Variants in MLXIP observed in about 807,000 individuals in gnomAD.
The protein encoded by MLXIP is MLX interacting protein, also known as MLX-interacting protein.
A neutral mutation model predicts 87.2 loss-of-function variants in MLXIP; 30 were observed. That is an observed-to-expected ratio of 0.34 (90% CI 0.26 to 0.47). MLXIP has a LOEUF of 0.47. Ranked by LOEUF, MLXIP falls within the 20% of genes least tolerant of loss-of-function variation. The probability of loss-of-function intolerance (pLI) is 1.00; values close to 1 mark genes in which losing one functional copy is unlikely to be tolerated. For missense variants in MLXIP, 1,002 were observed against 1,240.1 expected (o/e 0.81, Z 2.88); for synonymous variants, 530 against 514.0 (o/e 1.03, Z -0.42).
At chr12:122,140,653 G>A (rs1254601855) in intron 15 of MLXIP, among the ~76,000 whole-genome samples, 2 of 152,142 alleles carry the variant, frequency 1.3e-5, no homozygotes, top group South Asian at 2.1e-4. Flanking sequence ...ATGTAAGAAC[G>A]ATTTTGATCG....
chr12:122,115,319 G>A (rs2082872536), intron 1 of MLXIP, among the ~76,000 whole-genome samples: 1 of 151,992 alleles, frequency 6.6e-6, no homozygotes. Context: ...TGGGCGCGGT[G>A]TCTCACGCCT....
chr12:122,128,127 G>A, intron 3 of MLXIP, 159 bp downstream of exon 3: 1 of 638,358 alleles, frequency 1.6e-6, no homozygotes. Context: ...GGGAGCTGGT[G>A]GCCTCTGGCA....
rs371973100 is a variant in MLXIP at position 122,140,289 on chromosome 12, C to CTTTA, written c.2509-645_2509-642dup. Among the ~76,000 whole-genome samples, 32 of 152,104 alleles carry CTTTA rather than the reference C, an allele frequency of 2.1e-4. No individual in the cohort carries two copies. In the South Asian group the frequency reaches 2.3e-3, roughly 11 times the overall value. ...CCACTTTCAGGCAGATGGCTCCTGC[C>CTTTA]TTTATTTATTTATTTATTTATTTTG... On this transcript the variant is annotated intron_variant, in intron 15 of 16. Coordinates refer to ENST00000319080, the MANE Select transcript of MLXIP (RefSeq NM_014938.6).
chr12:122,123,282 C>T (rs149711319), intron 1 of MLXIP, among the ~76,000 whole-genome samples: 1 of 152,236 alleles, frequency 6.6e-6, no homozygotes, highest in East Asian at 1.9e-4. Flanking sequence ...GCCTTGGGGG[C>T]GGGCTGGGGG....
At position 122,110,026 on chromosome 12, in the gene MLXIP, T is replaced by C. The variant is rs78588422; in HGVS notation, c.414-17230T>C. Among the ~76,000 whole-genome samples, 686 of 152,262 alleles carry C rather than the reference T, an allele frequency of 4.5e-3. 6 individuals carry two copies. The highest frequency in any genetic ancestry group is 0.016 in the African/African-American group (655 of 41,558). Reference sequence around the variant, plus strand: ...ATCCCTGCTCTGGGTGCCTCTCATTTTTATTCTTTAGGGCCAGGAACTCTC... The same window carrying C: ...ATCCCTGCTCTGGGTGCCTCTCATTCTTATTCTTTAGGGCCAGGAACTCTC... On this transcript the variant is annotated intron_variant, in intron 1 of 16. Coordinates refer to ENST00000319080, the MANE Select transcript of MLXIP (RefSeq NM_014938.6).
At chr12:122,117,755 A>G (rs958238017) in intron 1 of MLXIP, among the ~76,000 whole-genome samples, 10 of 152,210 alleles carry the variant, frequency 6.6e-5, no homozygotes, top group Non-Finnish European at 1.0e-4. Flanking sequence ...AAGCTCAGAT[A>G]GTGCCGAACC....
chr12:122,139,076 C>CT, intron 15 of MLXIP, 138 bp downstream of exon 15: 2 of 1,350,998 alleles, frequency 1.5e-6, no homozygotes, highest in Admixed American at 2.5e-5. Context: ...GTGCTAGTGT[C>CT]TATCTCGGGA....
chr12:122,124,087 G>T (rs967890395), intron 1 of MLXIP, among the ~76,000 whole-genome samples: 1 of 152,242 alleles, frequency 6.6e-6, no homozygotes, highest in Non-Finnish European at 1.5e-5. Context: ...AGGACGCTGA[G>T]CACAGAGGCA....
chr12:122,130,197 GCCA>G, intron 6 of MLXIP, 85 bp downstream of exon 6: 1 of 1,388,798 alleles, frequency 7.2e-7, no homozygotes, highest in South Asian at 1.3e-5. Context: ...TTCCTTCAGG[GCCA>G]TCTCTGAGCT....
intron 1 of MLXIP, among the ~76,000 whole-genome samples, chr12:122,085,798 T>C (rs1366286251): frequency 6.6e-6 from 1 of 152,172 alleles, no homozygotes; most frequent in Non-Finnish European, 1.5e-5. Flanking sequence ...TATCGTGGCT[T>C]GCTTGGACAG....
intron 1 of MLXIP, among the ~76,000 whole-genome samples, chr12:122,109,323 C>G (rs1952567870): frequency 6.6e-6 from 1 of 152,218 alleles, no homozygotes; most frequent in African/African-American, 2.4e-5. Flanking sequence ...CCCGCCTTGG[C>G]CTCCCAAAGT....
intron 12 of MLXIP, 112 bp from the exon 13 acceptor site, chr12:122,138,082 G>A (rs569849658): frequency 2.0e-4 from 172 of 856,688 alleles, no homozygotes; most frequent in Admixed American, 4.3e-4. Flanking sequence ...CTCCTCCCAC[G>A]TAGCTCTCTA....
intron 1 of MLXIP, among the ~76,000 whole-genome samples, chr12:122,125,122 C>T (rs1424919027): frequency 2.0e-5 from 3 of 152,190 alleles, no homozygotes; most frequent in Non-Finnish European, 2.9e-5. Context: ...GCTGAGGTCG[C>T]GCCATTGCAC....
Position 122,129,924 on chromosome 12 carries a change from T to C in MLXIP, c.739-17T>C. 6.2e-7 allele frequency: 1 copy of C among 1,601,188 alleles called. No individual in the cohort carries two copies. The highest frequency in any genetic ancestry group is 8.5e-7 in the Non-Finnish European group (1 of 1,171,002). ...TTACTCTTTGATGCTTCCTCCCCTG[T>C]GTTGGTGTTGTGTTAGGACGATGAC... On this transcript the variant is annotated splice_polypyrimidine_tract_variant and intron_variant, in intron 5 of 16. Coordinates refer to ENST00000319080, the MANE Select transcript of MLXIP (RefSeq NM_014938.6).
At chr12:122,139,639 C>G (rs1238389904) in intron 15 of MLXIP, among the ~76,000 whole-genome samples, 6 of 152,212 alleles carry the variant, frequency 3.9e-5, no homozygotes, top group Non-Finnish European at 7.3e-5. Flanking sequence ...GGCGCAGCAC[C>G]TGTGTGTGCT....
intron 1 of MLXIP, among the ~76,000 whole-genome samples, chr12:122,113,405 C>T (rs867553733): frequency 2.6e-5 from 4 of 151,050 alleles, no homozygotes; most frequent in Middle Eastern, 3.2e-3. Context: ...GTAGCTGGGA[C>T]TACAGGCATG....
Position 122,078,893 on chromosome 12 carries a change from C to T in MLXIP, c.40C>T (p.Arg14Cys), listed in dbSNP as rs1444956288. Residue 14 changes from arginine (R) to cysteine (C), a missense_variant, in exon 1 of 17, where the codon CGC becomes TGC. Physicochemically the swap from Arg to Cys is radical, Grantham distance 180 (BLOSUM62 -3). Around this residue, in one of 3 missense-constraint regions of MLXIP, gnomAD observed 129 missense variants for 104.2 expected, o/e 1.24. Coordinates refer to ENST00000319080, the MANE Select transcript of MLXIP (RefSeq NM_014938.6). ...DVFMCSPRRP[R>C]SRGRQVLLKP... The stretch of plus-strand genomic sequence containing the variant: ...CTTCATGTGCTCCCCGCGCCGGCCT[C>T]GCAGCCGGGGCCGCCAGGTGCTGCT... The T allele has an allele frequency of 8.7e-7, 1 of 1,143,104 alleles. No individual in the cohort carries two copies. Among genetic ancestry groups the T allele is most frequent in the Non-Finnish European group, 1.1e-6 (1 of 926,076 alleles). 70.8% of individuals were successfully genotyped at this position (1,143,104 alleles called of 1,614,324 possible).
chr12:122,100,483 A>G (rs1416529922), intron 1 of MLXIP, among the ~76,000 whole-genome samples: 1 of 152,228 alleles, frequency 6.6e-6, no homozygotes, highest in African/African-American at 2.4e-5. Context: ...TTTCTTGAAC[A>G]TATTGAACAT....
chr12:122,137,336 G>C lies in MLXIP; in HGVS notation c.2033-133G>C. Reference sequence around the variant, plus strand: ...AAGAATAATCTAAGGAAGCATGTGTGTGCAGTTGAAAGAACCAAGTGCAAT... The same window carrying C: ...AAGAATAATCTAAGGAAGCATGTGTCTGCAGTTGAAAGAACCAAGTGCAAT... On this transcript the variant is annotated intron_variant, in intron 11 of 16. Coordinates refer to ENST00000319080, the MANE Select transcript of MLXIP (RefSeq NM_014938.6). The surrounding 1 kb of genome is among the most constrained non-coding windows in gnomAD (Gnocchi z 4.1). 1.2e-6 allele frequency: 1 copy of C among 857,858 alleles called. No homozygotes were observed. 53.1% of individuals were successfully genotyped at this position (857,858 alleles called of 1,614,324 possible).
Sources: gnomAD v4.1 joint callset for allele counts (sites outside exome capture counted in the v4.1 genomes callset) on GRCh38, gnomAD v4.1.1 for gene constraint, gnomAD v4.1.1 regional missense constraint, Gnocchi (gnomAD v3.1) non-coding constraint, MANE v1.5 for transcripts, NCBI Gene and HGNC (gene_info 2026-07-23, HGNC 2026-07-21) for gene names.